Variants in GPHN observed in about 807,000 individuals in gnomAD.
The protein encoded by GPHN is gephyrin.
A neutral mutation model predicts 95.5 loss-of-function variants in GPHN; 17 were observed. The ratio of observed to expected loss-of-function variants is 0.18; its 90% CI spans 0.12 to 0.27. GPHN has a LOEUF of 0.27. GPHN is among the 10% of genes least tolerant of loss of function. The pLI, the probability that GPHN is intolerant of heterozygous loss-of-function variation, is 1.00. For missense variants in GPHN, 660 were observed against 978.1 expected (o/e 0.67, Z 4.34); for synonymous variants, 320 against 322.5 (o/e 0.99, Z 0.08).
the GPHN span, among the ~76,000 whole-genome samples, chr14:67,327,606 A>G: frequency 1.3e-5 from 2 of 152,092 alleles, no homozygotes; most frequent in Non-Finnish European, 1.5e-5. Flanking sequence ...CGTCATTTAC[A>G]TTAGGTATAT....
the GPHN span, among the ~76,000 whole-genome samples, chr14:67,545,272 G>C: frequency 6.6e-6 from 1 of 152,122 alleles, no homozygotes; most frequent in Non-Finnish European, 1.5e-5. Context: ...GTTATACCCA[G>C]CTACAAAGAA....
chr14:66,581,394 C>T (rs2061163809), intron 1 of GPHN, among the ~76,000 whole-genome samples: 1 of 151,732 alleles, frequency 6.6e-6, no homozygotes, highest in South Asian at 2.1e-4. Flanking sequence ...TAACGAAAAA[C>T]TATGCTAGAT....
chr14:67,382,622 C>T, the GPHN span: 1 of 1,612,334 alleles, frequency 6.2e-7, no homozygotes, highest in Non-Finnish European at 8.5e-7. Context: ...TTAATAATGA[C>T]TCAGGAGGTT....
chr14:66,985,532 C>G (rs941077256), intron 9 of GPHN: 4 of 572,534 alleles, frequency 7.0e-6, no homozygotes, highest in Middle Eastern at 9.2e-4. Flanking sequence ...TGTCATACAG[C>G]CTCTGGGTTA....
chr14:67,592,649 C>T, the GPHN span: 4 of 1,599,384 alleles, frequency 2.5e-6, no homozygotes, highest in Non-Finnish European at 3.4e-6. Context: ...AAGACGGGTA[C>T]TACTTGGGAT....
chr14:67,619,745 G>C, the GPHN span: 109 of 504,608 alleles, frequency 2.2e-4, no homozygotes, highest in Non-Finnish European at 2.2e-4. Context: ...GGCCAGAGTG[G>C]GGTGACGTCA....
the GPHN span, chr14:67,335,308 GC>G: frequency 6.6e-6 from 1 of 152,172 alleles, no homozygotes; most frequent in African/African-American, 2.4e-5. Context: ...AAAAAGCCTT[GC>G]TGTACACCTA....
chr14:67,587,467 T>G, the GPHN span: 1 of 565,558 alleles, frequency 1.8e-6, no homozygotes, highest in Non-Finnish European at 3.1e-6. Flanking sequence ...CCTTTTTTCA[T>G]AAGAATAATG....
chr14:66,536,704 C>T (rs1389274827), intron 1 of GPHN, among the ~76,000 whole-genome samples: 4 of 152,208 alleles, frequency 2.6e-5, no homozygotes, highest in African/African-American at 9.6e-5. Flanking sequence ...TAGATTCATA[C>T]ACTTCATGTG....
chr14:67,018,865 G>A (rs540076873), intron 9 of GPHN, among the ~76,000 whole-genome samples: 6 of 152,160 alleles, frequency 3.9e-5, no homozygotes, highest in Middle Eastern at 3.4e-3. Flanking sequence ...ATTATGGGAG[G>A]GCCCAGAGCC....
intron 1 of GPHN, among the ~76,000 whole-genome samples, chr14:66,579,550 A>T (rs1402822574): frequency 1.3e-5 from 2 of 151,802 alleles, no homozygotes; most frequent in Non-Finnish European, 3.0e-5. Context: ...AAGAGAGCAG[A>T]GGTTGTTATA....
chr14:67,319,535 C>T, the GPHN span, among the ~76,000 whole-genome samples: 1 of 151,776 alleles, frequency 6.6e-6, no homozygotes, highest in Non-Finnish European at 1.5e-5. Context: ...TTGTGGTTTC[C>T]CTGGGCCACA....
At chr14:66,921,360 T>C (rs1473384795) in intron 6 of GPHN, among the ~76,000 whole-genome samples, 2 of 152,212 alleles carry the variant, frequency 1.3e-5, no homozygotes, top group Non-Finnish European at 2.9e-5. Context: ...ATGTTGAACA[T>C]TTTTTCATAT....
At chr14:67,508,768 A>AAAAAAAAAAAAAAAAAAAC in the GPHN span, among the ~76,000 whole-genome samples, 1 of 150,950 alleles carries the variant, frequency 6.6e-6, no homozygotes, top group Non-Finnish European at 1.5e-5. Flanking sequence ...AAAAAAAAAA[A>AAAAAAAAAAAAAAAAAAAC]AAACAGAAGA....
Position 66,508,553 on chromosome 14 carries a change from C to A in GPHN, c.26C>A (p.Thr9Asn). The A allele has an allele frequency of 6.2e-7, 1 of 1,614,140 alleles. No homozygotes were observed. Among genetic ancestry groups the A allele is most frequent in the Non-Finnish European group, 8.5e-7 (1 of 1,179,938 alleles). The part of the protein sequence containing the change: MATEGMIL[T>N]NHDHQIRVGV... ...ATGGCGACCGAGGGAATGATCCTTA[C>A]TAACCACGACCATCAAATCCGTGTC... Residue 9 changes from threonine to asparagine, a missense_variant, in exon 1 of 23, where the codon ACT becomes AAT. Transcript: ENST00000478722.
chr14:67,513,654 T>C, the GPHN span, among the ~76,000 whole-genome samples: 29 of 152,230 alleles, frequency 1.9e-4, no homozygotes, highest in African/African-American at 6.3e-4. Context: ...AGGCCCACCC[T>C]GGCCCAACCT....
intron 1 of GPHN, among the ~76,000 whole-genome samples, chr14:66,546,556 G>T (rs969480636): frequency 6.6e-6 from 1 of 152,136 alleles, no homozygotes; most frequent in African/African-American, 2.4e-5. Flanking sequence ...GATCACTCAC[G>T]GTTAGGAGCT....
intron 8 of GPHN, among the ~76,000 whole-genome samples, chr14:66,936,028 AAAAGT>A (rs1304292889): frequency 6.6e-6 from 1 of 152,144 alleles, no homozygotes; most frequent in Non-Finnish European, 1.5e-5. Context: ...TCATAAAAGA[AAAAGT>A]AAAAGAAGAC....
intron 5 of GPHN, among the ~76,000 whole-genome samples, chr14:66,896,185 T>C (rs2064840135): frequency 6.6e-6 from 1 of 152,178 alleles, no homozygotes; most frequent in Non-Finnish European, 1.5e-5. Flanking sequence ...GATATCAGCA[T>C]ATGAATTTGG....
Sources: gnomAD v4.1 joint callset for allele counts (sites outside exome capture counted in the v4.1 genomes callset) on GRCh38, gnomAD v4.1.1 for gene constraint, MANE v1.5 for transcripts, NCBI Gene and HGNC (gene_info 2026-07-23, HGNC 2026-07-21) for gene names.